Variants in SEMA3A observed in about 807,000 individuals in gnomAD.
SEMA3A encodes the protein semaphorin-3A.
In SEMA3A, 29 loss-of-function variants were observed where a neutral mutation model predicts 97.9. The observed-to-expected ratio is 0.30, with a 90% CI of 0.22 to 0.40. The LOEUF is 0.40. Among genes scored for constraint, SEMA3A ranks in the 10% least tolerant of loss-of-function variants. The pLI, the probability that SEMA3A is intolerant of heterozygous loss-of-function variation, is 1.00. For synonymous variants in SEMA3A, 321 were observed against 323.7 expected (o/e 0.99, Z 0.09); for missense variants, 763 against 951.3 (o/e 0.80, Z 2.60).
At chr7:84,108,046 T>C (rs1795160888) in intron 4 of SEMA3A, among the ~76,000 whole-genome samples, 1 of 152,182 alleles carries the variant, frequency 6.6e-6, no homozygotes, top group African/African-American at 2.4e-5. Flanking sequence ...ATACAAAATA[T>C]AAAAATACAA....
intron 1 of SEMA3A, among the ~76,000 whole-genome samples, chr7:84,378,683 T>C (rs1473949421): frequency 6.6e-6 from 1 of 152,160 alleles, no homozygotes; most frequent in Non-Finnish European, 1.5e-5. Context: ...GTTCTGCACA[T>C]GTATCCCAGA....
chr7:84,481,930 TGTAA>T (rs965130462), intron 1 of SEMA3A, among the ~76,000 whole-genome samples: 5 of 151,770 alleles, frequency 3.3e-5, no homozygotes, highest in African/African-American at 1.2e-4. Context: ...CATGATTGAC[TGTAA>T]GTCACTAAAA....
chr7:84,047,273 A>C lies in SEMA3A; in HGVS notation c.548-830T>G, dbSNP rs560279438. On this transcript the variant is annotated intron_variant, in intron 5 of 16. Coordinates refer to ENST00000265362, the MANE Select transcript of SEMA3A (RefSeq NM_006080.3). ...CGGTAAAGAATAGAAGGGAAAAGACAAGAAGGGGGTAAAAGAGAAGTTAAT... is the reference window on the plus strand; with the variant it reads ...CGGTAAAGAATAGAAGGGAAAAGACCAGAAGGGGGTAAAAGAGAAGTTAAT... Among the ~76,000 whole-genome samples the C allele has an allele frequency of 3.3e-5, 5 of 152,182 alleles. No homozygotes were observed. The South Asian group carries it at 1.0e-3, about 31-fold the overall frequency.
At chr7:84,430,268 A>G (rs2116317078) in intron 1 of SEMA3A, among the ~76,000 whole-genome samples, 1 of 152,128 alleles carries the variant, frequency 6.6e-6, no homozygotes, top group African/African-American at 2.4e-5. Context: ...AGAATAATTA[A>G]AATGAAATGT....
intron 3 of SEMA3A, among the ~76,000 whole-genome samples, chr7:84,128,693 G>A (rs969340943): frequency 2.0e-5 from 3 of 152,204 alleles, no homozygotes; most frequent in African/African-American, 4.8e-5. Flanking sequence ...AAAAATAGAT[G>A]ACAGAGTAAT....
At position 84,486,671 on chromosome 7, in the gene SEMA3A, G is replaced by A. The variant is rs1032375196; in HGVS notation, c.-246+5789C>T. Reference sequence around the variant, plus strand: ...AACAAGGCAGTGATTGTCACAAAGAGGACCTGAGCCCCAGTGTTTTTACTT... The same window carrying A: ...AACAAGGCAGTGATTGTCACAAAGAAGACCTGAGCCCCAGTGTTTTTACTT... On this transcript the variant is annotated intron_variant, in intron 1 of 3. Coordinates refer to the SEMA3A transcript ENST00000424555. 2.0e-5 allele frequency among the ~76,000 whole-genome samples: 3 copies of A among 152,122 alleles called. No homozygotes were observed. The East Asian group carries it at 5.8e-4, about 29-fold the overall frequency.
intron 4 of SEMA3A, among the ~76,000 whole-genome samples, chr7:84,090,125 G>A (rs1014756046): frequency 6.6e-6 from 1 of 151,976 alleles, no homozygotes; most frequent in African/African-American, 2.4e-5. Flanking sequence ...TATTATACAA[G>A]ATAGTTTTCA....
At chr7:83,981,545 AAG>A (rs1789418191) in intron 13 of SEMA3A, 67 bp from the exon 14 acceptor site, 1 of 1,310,172 alleles carries the variant, frequency 7.6e-7, no homozygotes, top group Admixed American at 3.1e-5. Flanking sequence ...TCTCTTAAAA[AAG>A]AGTTTATTTA....
chr7:84,331,561 C>G (rs1314040764), intron 2 of SEMA3A, among the ~76,000 whole-genome samples: 1 of 151,616 alleles, frequency 6.6e-6, no homozygotes, highest in Non-Finnish European at 1.5e-5. Context: ...TTCATTATAC[C>G]AAGAGAATCA....
At chr7:84,483,513 T>C (rs1806497077) in intron 1 of SEMA3A, among the ~76,000 whole-genome samples, 1 of 152,104 alleles carries the variant, frequency 6.6e-6, no homozygotes, top group African/African-American at 2.4e-5. Flanking sequence ...AGCCAGGAAT[T>C]TCCCTCACTT....
At chr7:84,009,905 CAAA>C (rs3074687) in intron 9 of SEMA3A, among the ~76,000 whole-genome samples, 40 of 91,704 alleles carry the variant, frequency 4.4e-4, no homozygotes, top group Middle Eastern at 9.8e-3. Context: ...ACACTGGTTA[CAAA>C]AAAAAAAAAA....
chr7:84,008,056 G>A (rs1371943361), intron 9 of SEMA3A, among the ~76,000 whole-genome samples: 4 of 152,088 alleles, frequency 2.6e-5, no homozygotes, highest in African/African-American at 9.7e-5. Flanking sequence ...TTCTAACACA[G>A]AAAATAATTA....
chr7:84,014,876 C>G (rs891213632), intron 6 of SEMA3A, among the ~76,000 whole-genome samples: 3 of 152,080 alleles, frequency 2.0e-5, no homozygotes, highest in African/African-American at 4.8e-5. Context: ...CAGGAAAAAA[C>G]CCTGGCCACC....
intron 3 of SEMA3A, among the ~76,000 whole-genome samples, chr7:84,126,873 C>T (rs1180832456): frequency 1.3e-5 from 2 of 152,190 alleles, no homozygotes; most frequent in Non-Finnish European, 2.9e-5. Flanking sequence ...TTGCTCAGTA[C>T]ATTCATGAGT....
rs188431868 is a variant in SEMA3A at position 84,455,091 on chromosome 7, T to C, written c.-246+37369A>G. On this transcript the variant is annotated intron_variant, in intron 1 of 3. Coordinates refer to the SEMA3A transcript ENST00000424555. ...ACAAATTAAGTAGATAGTATTGTAATATATTAATTCTTTCTATCAGAAAGT... is the reference window on the plus strand; with the variant it reads ...ACAAATTAAGTAGATAGTATTGTAACATATTAATTCTTTCTATCAGAAAGT... 1.2e-4 allele frequency among the ~76,000 whole-genome samples: 19 copies of C among 152,104 alleles called. No homozygotes were observed. The East Asian group carries it at 3.3e-3, about 26-fold the overall frequency.
chr7:84,090,415 T>A (rs1003395158), intron 4 of SEMA3A, among the ~76,000 whole-genome samples: 2 of 151,194 alleles, frequency 1.3e-5, no homozygotes, highest in Admixed American at 1.3e-4. Flanking sequence ...ATACAATGTT[T>A]GCAGACGATT....
intron 2 of SEMA3A, among the ~76,000 whole-genome samples, chr7:84,366,100 C>T (rs1288487429): frequency 4.0e-5 from 6 of 151,336 alleles, no homozygotes; most frequent in Non-Finnish European, 4.4e-5. Flanking sequence ...CAGACAGACA[C>T]ATTATTATTT....
intron 3 of SEMA3A, among the ~76,000 whole-genome samples, chr7:84,260,853 T>C (rs1799838271): frequency 6.6e-6 from 1 of 152,162 alleles, no homozygotes; most frequent in South Asian, 2.1e-4. Context: ...AAGGGGCGTA[T>C]CCTTGGTGAA....
At chr7:84,054,858 A>G (rs1028007869) in intron 5 of SEMA3A, among the ~76,000 whole-genome samples, 11 of 149,884 alleles carry the variant, frequency 7.3e-5, no homozygotes, top group Non-Finnish European at 1.0e-4. Flanking sequence ...GTCTTTGATG[A>G]TGGTGATGCA....
Sources: allele counts gnomAD v4.1 joint callset (sites outside exome capture counted in the v4.1 genomes callset), GRCh38; gene constraint gnomAD v4.1.1; transcripts MANE v1.5; gene names NCBI Gene and HGNC (gene_info 2026-07-23, HGNC 2026-07-21).